The following TMEM230 variants were observed in gnomAD, a reference collection of about 807,000 sequenced individuals.
TMEM230 encodes transmembrane protein 230.
In TMEM230, 10 loss-of-function variants were observed where a neutral mutation model predicts 15.8. That is an observed-to-expected ratio of 0.63 (90% CI 0.39 to 1.07). The LOEUF (loss-of-function observed/expected upper bound fraction) is 1.07, where lower values mean the gene tolerates loss of function less well. TMEM230 is among the 50% of genes least tolerant of loss of function. The pLI is 0.01. For missense variants in TMEM230, 165 were observed against 193.3 expected, an observed-to-expected ratio of 0.85 and a Z score of 0.87; for synonymous variants, 67 against 76.9, an observed-to-expected ratio of 0.87 and a Z score of 0.68.
At chr20:5,106,450 C>T in intron 3 of TMEM230, 140 bp from the exon 3 acceptor site, 1 of 1,073,900 alleles carries the variant, frequency 9.3e-7, no homozygotes, top group Non-Finnish European at 1.3e-6. Flanking sequence ...GTTGCCCAGG[C>T]TAGAGAGCAA....
chr20:5,111,770 T>C (rs977579798), intron 1 of TMEM230: 1 of 981,982 alleles, frequency 1.0e-6, no homozygotes, highest in Non-Finnish European at 1.2e-6. Flanking sequence ...TTACCTAGTC[T>C]TTGTTAGATG....
At chr20:5,068,976 A>G (rs1003403627) in exon 4 of TMEM230, 5 of 524,584 alleles carry the variant, frequency 9.5e-6, no homozygotes, top group Admixed American at 3.5e-5. Flanking sequence ...ACCATTCACA[A>G]GAGGAGTTGC....
the TMEM230 span, among the ~76,000 whole-genome samples, chr20:5,059,399 T>C: frequency 3.3e-5 from 5 of 152,102 alleles, no homozygotes; most frequent in Non-Finnish European, 7.3e-5. Context: ...ATAGCACATG[T>C]TGTATATAGT....
intron 1 of TMEM230, 156 bp downstream of exon 1, chr20:5,112,805 C>G (rs2090380017): frequency 1.3e-6 from 2 of 1,506,328 alleles, no homozygotes; most frequent in Non-Finnish European, 1.8e-6. Flanking sequence ...GTAAAACAAA[C>G]AAAACGGGCT....
At chr20:5,110,395 C>T (rs1480194194) in intron 2 of TMEM230, among the ~76,000 whole-genome samples, 1 of 152,068 alleles carries the variant, frequency 6.6e-6, no homozygotes, top group Non-Finnish European at 1.5e-5. Flanking sequence ...AGCAATCCTC[C>T]TGCCTCAGCC....
intron 3 of TMEM230, among the ~76,000 whole-genome samples, chr20:5,077,355 G>C (rs920631449): frequency 6.6e-6 from 1 of 152,058 alleles, no homozygotes; most frequent in Non-Finnish European, 1.5e-5. Context: ...CTGAGTCCCA[G>C]CTATCTGACA....
downstream of TMEM230, chr20:5,098,418 C>T (rs770137499): frequency 1.3e-5 from 2 of 152,116 alleles, no homozygotes; most frequent in African/African-American, 2.4e-5. Context: ...AGGCCTGACC[C>T]GGATTAGCTT....
At chr20:5,083,519 G>A (rs1031274654) in intron 3 of TMEM230, among the ~76,000 whole-genome samples, 1 of 151,962 alleles carries the variant, frequency 6.6e-6, no homozygotes, top group Non-Finnish European at 1.5e-5. Context: ...ACCTATTAGG[G>A]CACTCAAGTA....
chr20:5,113,062 C>A lies in TMEM230; in HGVS notation c.-34G>T, dbSNP rs1204703274. On this transcript the variant is annotated 5_prime_UTR_variant, in exon 1 of 5. Transcript: ENST00000342308. Reference sequence around the variant, plus strand: ...CCGCTTAAGTGCCACTCAGCCGGCCCCAGGCGGGATCAGTGCGCCGGAAGT... The same window carrying A: ...CCGCTTAAGTGCCACTCAGCCGGCCACAGGCGGGATCAGTGCGCCGGAAGT... 2 of 1,540,868 alleles carry A rather than the reference C, an allele frequency of 1.3e-6. No individual in the cohort carries two copies. The highest frequency in any genetic ancestry group is 1.4e-5 in the African/African-American group (1 of 72,972).
intron 3 of TMEM230, among the ~76,000 whole-genome samples, chr20:5,085,809 G>A (rs1245895182): frequency 2.0e-5 from 3 of 152,080 alleles, no homozygotes; most frequent in Admixed American, 2.0e-4. Context: ...GGGAGGCCAG[G>A]CTCTTTTCCA....
chr20:5,104,286 C>T (rs1246716336), intron 4 of TMEM230, among the ~76,000 whole-genome samples: 1 of 152,200 alleles, frequency 6.6e-6, no homozygotes, highest in Admixed American at 6.5e-5. Flanking sequence ...TCTCGAACTC[C>T]TGGGCTCAAG....
chr20:5,086,984 C>T (rs919998308), intron 3 of TMEM230, among the ~76,000 whole-genome samples: 3 of 152,148 alleles, frequency 2.0e-5, no homozygotes, highest in Admixed American at 1.3e-4. Context: ...AGCAATCATC[C>T]CGCCTCAGCC....
intron 3 of TMEM230, among the ~76,000 whole-genome samples, chr20:5,074,266 C>T (rs1342416533): frequency 6.6e-6 from 1 of 152,122 alleles, no homozygotes; most frequent in East Asian, 1.9e-4. Flanking sequence ...CATAAATTTC[C>T]ATTTGTAAGG....
intron 3 of TMEM230, among the ~76,000 whole-genome samples, chr20:5,088,432 C>A (rs966931008): frequency 6.6e-6 from 1 of 151,996 alleles, no homozygotes; most frequent in Non-Finnish European, 1.5e-5. Flanking sequence ...GTGTTCGTGT[C>A]TCCTAACTCA....
intron 3 of TMEM230, among the ~76,000 whole-genome samples, chr20:5,086,197 A>C (rs979665643): frequency 6.0e-5 from 9 of 149,800 alleles, no homozygotes; most frequent in Non-Finnish European, 1.0e-4. Flanking sequence ...GTTTGAGACC[A>C]GCCTGGGCAA....
At chr20:5,066,596 C>T (rs1210963432), downstream of TMEM230, among the ~76,000 whole-genome samples, 2 of 148,796 alleles carry the variant, frequency 1.3e-5, no homozygotes, top group African/African-American at 2.5e-5. Context: ...AGCTTGAACC[C>T]GGGGGGCAGA....
At chr20:5,109,299 CA>C in intron 3 of TMEM230, 32 bp downstream of exon 2, 2 of 1,544,770 alleles carry the variant, frequency 1.3e-6, no homozygotes, top group Non-Finnish European at 1.8e-6. Flanking sequence ...GAAACACAGC[CA>C]GTCAGTCTTG....
At chr20:5,075,716 C>T (rs2088970899) in intron 3 of TMEM230, among the ~76,000 whole-genome samples, 1 of 151,930 alleles carries the variant, frequency 6.6e-6, no homozygotes, top group South Asian at 2.1e-4. Flanking sequence ...AAGAGAGAAA[C>T]TTCGCCTCAA....
intron 4 of TMEM230, among the ~76,000 whole-genome samples, chr20:5,102,631 C>A (rs2089915513): frequency 6.9e-6 from 1 of 144,200 alleles, no homozygotes; most frequent in Admixed American, 7.5e-5. Flanking sequence ...GCAAAGGTTG[C>A]AGTGAGCTGA....
Sources: gnomAD v4.1 joint callset for allele counts (sites outside exome capture counted in the v4.1 genomes callset) on GRCh38, gnomAD v4.1.1 for gene constraint, MANE v1.5 for transcripts, NCBI Gene and HGNC (gene_info 2026-07-23, HGNC 2026-07-21) for gene names.